BRI3: variants seen among roughly 807,000 people sequenced by gnomAD.
BRI3 encodes brain protein I3, also known as membrane protein BRI3.
Under a neutral mutation model 12.8 loss-of-function variants are expected in BRI3, and 6 were observed. The observed-to-expected ratio is 0.47, with a 90% CI of 0.26 to 0.93. The LOEUF (loss-of-function observed/expected upper bound fraction) is 0.93, where lower values mean the gene tolerates loss of function less well. BRI3 is among the 40% of genes least tolerant of loss of function. The pLI is 0.15. For missense variants in BRI3, 134 were observed against 171.1 expected, an observed-to-expected ratio of 0.78 and a Z score of 1.21; for synonymous variants, 91 against 76.1, an observed-to-expected ratio of 1.20 and a Z score of -1.02.
exon 2 of BRI3, chr7:98,308,130 CT>C (rs1306024670): frequency 3.1e-6 from 2 of 649,032 alleles, no homozygotes; most frequent in Non-Finnish European, 5.7e-6. Context: ...AAGAGGATCC[CT>C]GCGGCTGCGG....
At chr7:98,319,429 G>A in the BRI3 span, among the ~76,000 whole-genome samples, 1 of 152,186 alleles carries the variant, frequency 6.6e-6, no homozygotes, top group Non-Finnish European at 1.5e-5. Context: ...GGCTTAGGAA[G>A]TGTTATGTCT....
At chr7:98,298,084 A>G (rs545583092) in intron 1 of BRI3, among the ~76,000 whole-genome samples, 2 of 152,230 alleles carry the variant, frequency 1.3e-5, no homozygotes, top group South Asian at 4.1e-4. Context: ...AAACTTAAAG[A>G]GATATCACGT....
At chr7:98,293,426 G>A, downstream of BRI3, 4 of 1,190,782 alleles carry the variant, frequency 3.4e-6, no homozygotes, top group Non-Finnish European at 5.0e-6. Context: ...CCTCTCCACT[G>A]AAGCTTCCCG....
At chr7:98,319,548 C>CT in the BRI3 span, among the ~76,000 whole-genome samples, 52,218 of 138,484 alleles carry the variant, frequency 0.38, 11,143 homozygotes, top group Middle Eastern at 0.53. Context: ...TTTCCTATGC[C>CT]TTTTTTTTTT....
Position 98,298,565 on chromosome 7 carries a change from A to G in BRI3, c.72-7918A>G, listed in dbSNP as rs1584416827. 2.6e-5 allele frequency among the ~76,000 whole-genome samples: 4 copies of G among 152,144 alleles called. No homozygotes were observed. The South Asian group carries it at 8.3e-4, about 32-fold the overall frequency. ...GAGGTGGAGTTTGCAGTGAGCCGAG[A>G]TGGTGCCACTGCACTCCAGCCTGGG... On this transcript the variant is annotated intron_variant and NMD_transcript_variant, in intron 1 of 2. Coordinates refer to the BRI3 transcript ENST00000491463.
rs766249032 is a variant in BRI3 at position 98,282,414 on chromosome 7, C to T, written c.206C>T (p.Ala69Val). Residue 69 changes from alanine (A) to valine (V), a missense_variant, in exon 2 of 3, where the codon GCC becomes GTC. Ala to Val is a moderately conservative substitution (Grantham distance 64). Transcript: ENST00000297290. The stretch of plus-strand genomic sequence containing the variant: ...AGCCGGACCGTCACCCGCTATCCTG[C>T]CAACTCTATCGTGGTCGTAGGAGGC... ...IHSRTVTRYP[A>V]NSIVVVGGCP... The T allele has an allele frequency of 1.9e-6, 3 of 1,614,112 alleles. No homozygotes were observed. The highest frequency in any genetic ancestry group is 2.2e-5 in the South Asian group (2 of 91,080).
chr7:98,302,468 G>T (rs769014384), upstream of BRI3, among the ~76,000 whole-genome samples: 2 of 152,140 alleles, frequency 1.3e-5, no homozygotes, highest in African/African-American at 2.4e-5. Flanking sequence ...ACGTCCACAC[G>T]TGCCTCCTCA....
At position 98,307,787 on chromosome 7, in the gene BRI3, G is replaced by A. The variant is rs775155558; in HGVS notation, n.417G>A. Reference sequence around the variant, plus strand: ...CCTGTGCAAAGCTGAGTAAGGTCTTGTTGGAGCCCGCAGTGTGCGGGAAGA... The same window carrying A: ...CCTGTGCAAAGCTGAGTAAGGTCTTATTGGAGCCCGCAGTGTGCGGGAAGA... On this transcript the variant is annotated non_coding_transcript_exon_variant, in exon 2 of 2. Transcript: ENST00000485422. 31 of 1,614,154 alleles carry A rather than the reference G, an allele frequency of 1.9e-5. No homozygotes were observed. The Admixed American group carries it at 5.0e-4, about 26-fold the overall frequency.
chr7:98,308,507 T>C (rs1800749858), exon 2 of BRI3: 1 of 358,660 alleles, frequency 2.8e-6, no homozygotes, highest in South Asian at 2.1e-5. Flanking sequence ...CTATTTATTA[T>C]CCACAGGACA....
At chr7:98,308,906 T>C (rs1346241136) in exon 2 of BRI3, 7 of 152,278 alleles carry the variant, frequency 4.6e-5, no homozygotes, top group African/African-American at 1.7e-4. Context: ...CTTGACCTCC[T>C]GGCCTCAAGT....
At chr7:98,305,036 T>C (rs1800589964), upstream of BRI3, among the ~76,000 whole-genome samples, 1 of 117,766 alleles carries the variant, frequency 8.5e-6, no homozygotes, top group African/African-American at 4.1e-5. Flanking sequence ...CAGCTAATTT[T>C]TTTGTTTTTT....
At chr7:98,282,101 C>A (rs1026033199) in intron 1 of BRI3, among the ~76,000 whole-genome samples, 164 bp downstream of exon 1, 19 of 152,140 alleles carry the variant, frequency 1.2e-4, no homozygotes, top group Admixed American at 1.2e-3. Flanking sequence ...CAGCCTCCCC[C>A]CCGGGGCTCT....
At chr7:98,322,147 G>A in the BRI3 span, among the ~76,000 whole-genome samples, 1 of 152,090 alleles carries the variant, frequency 6.6e-6, no homozygotes, top group Admixed American at 6.6e-5. Context: ...CTGCAGGGGA[G>A]GAATCGGAAT....
At chr7:98,284,787 G>A (rs1332966835) in intron 2 of BRI3, among the ~76,000 whole-genome samples, 4 of 152,168 alleles carry the variant, frequency 2.6e-5, no homozygotes, top group Non-Finnish European at 2.9e-5. Context: ...CGTTTATGAG[G>A]AAGCATTTCC....
upstream of BRI3, among the ~76,000 whole-genome samples, chr7:98,301,563 C>T (rs1800424590): frequency 6.6e-6 from 1 of 151,742 alleles, no homozygotes; most frequent in Non-Finnish European, 1.5e-5. Flanking sequence ...GTGATCCGCC[C>T]ACTTCGGACT....
intron 2 of BRI3, among the ~76,000 whole-genome samples, chr7:98,286,201 G>T (rs185668470): frequency 3.3e-4 from 51 of 152,354 alleles, no homozygotes; most frequent in Non-Finnish European, 6.5e-4. Context: ...TAAAGTGCCT[G>T]TGGGGACACA....
At chr7:98,293,699 G>A, downstream of BRI3, 1 of 1,127,314 alleles carries the variant, frequency 8.9e-7, no homozygotes, top group Non-Finnish European at 1.3e-6. Context: ...CTGGGCGGCT[G>A]ACCACCTCCC....
the BRI3 span, among the ~76,000 whole-genome samples, chr7:98,318,934 G>T: frequency 7.4e-6 from 1 of 135,108 alleles, no homozygotes; most frequent in East Asian, 2.2e-4. Context: ...CAACAGAGCA[G>T]GACTCCATCT....
At chr7:98,288,070 A>C (rs1799771620) in intron 2 of BRI3, among the ~76,000 whole-genome samples, 1 of 152,222 alleles carries the variant, frequency 6.6e-6, no homozygotes, top group Admixed American at 6.5e-5. Flanking sequence ...TCTCCCCTAG[A>C]AGGATTTCTC....
Sources: allele counts gnomAD v4.1 joint callset (sites outside exome capture counted in the v4.1 genomes callset), GRCh38; gene constraint gnomAD v4.1.1; transcripts MANE v1.5; gene names NCBI Gene and HGNC (gene_info 2026-07-23, HGNC 2026-07-21).